EBF4: variants seen among roughly 807,000 people sequenced by gnomAD.
EBF4 encodes the protein transcription factor COE4.
Under a neutral mutation model 67.1 loss-of-function variants are expected in EBF4, and 34 were observed. That is an observed-to-expected ratio of 0.51 (90% CI 0.39 to 0.67). The LOEUF (loss-of-function observed/expected upper bound fraction) is 0.67, where lower values mean the gene tolerates loss of function less well. EBF4 is among the 30% of genes least tolerant of loss of function. The pLI is 0.00. For synonymous variants in EBF4, 387 were observed against 377.7 expected (o/e 1.02, Z -0.29); for missense variants, 837 against 873.3 (o/e 0.96, Z 0.52).
chr20:2,705,732 G>A (rs949119005), exon 2 of EBF4: 22 of 1,549,840 alleles, frequency 1.4e-5, no homozygotes, highest in Middle Eastern at 1.7e-4. Context: ...GAAAAGGACC[G>A]AGTGAGAGGC....
At chr20:2,716,529 C>CA (rs60033313) in intron 6 of EBF4, among the ~76,000 whole-genome samples, 17,332 of 107,554 alleles carry the variant, frequency 0.16, 1,164 homozygotes, top group East Asian at 0.35. Flanking sequence ...AACTCCGTCT[C>CA]AAAAAAAAAA....
chr20:2,755,953 C>A lies in EBF4; in HGVS notation c.1738+129C>A. 1 of 991,642 alleles carries A rather than the reference C, an allele frequency of 1.0e-6. No homozygotes were observed. The highest frequency in any genetic ancestry group is 1.4e-6 in the Non-Finnish European group (1 of 691,486). The allele number at this position is 991,642 out of a possible 1,614,324, so 61.4% of individuals were successfully genotyped here. A position where few individuals can be genotyped will look rare whatever the true frequency, so the allele number is the denominator to read the frequency against. On this transcript the variant is annotated intron_variant, in intron 15 of 16. Coordinates refer to ENST00000609451, the Ensembl canonical transcript of EBF4. The surrounding 1 kb of genome is among the most constrained non-coding windows in gnomAD (Gnocchi z 4.7). ...TGGCTAACCTGCTCTTCTTGGAGGACGGAGAGCAGGGAGCTCTGCTGGGGT... is the reference window on the plus strand; with the variant it reads ...TGGCTAACCTGCTCTTCTTGGAGGAAGGAGAGCAGGGAGCTCTGCTGGGGT...
At chr20:2,730,015 G>T (rs1420483582) in intron 6 of EBF4, among the ~76,000 whole-genome samples, 2 of 152,240 alleles carry the variant, frequency 1.3e-5, no homozygotes, top group Non-Finnish European at 2.9e-5. Context: ...GAGCAAGTCA[G>T]TCAGAGGCTG....
chr20:2,726,600 A>C (rs2087749649), intron 6 of EBF4, among the ~76,000 whole-genome samples: 1 of 151,804 alleles, frequency 6.6e-6, no homozygotes, highest in Admixed American at 6.6e-5. Context: ...AAGAAATATG[A>C]TGCTGTTTCA....
intron 1 of EBF4, among the ~76,000 whole-genome samples, chr20:2,694,739 T>G (rs1327619168): frequency 6.6e-6 from 1 of 152,064 alleles, no homozygotes; most frequent in East Asian, 1.9e-4. Context: ...AGACCGGGCC[T>G]GACACAGGAG....
chr20:2,705,908 A>C, intron 2 of EBF4, 66 bp from the exon 3 acceptor site: 1 of 1,519,866 alleles, frequency 6.6e-7, no homozygotes, highest in Non-Finnish European at 8.9e-7. Flanking sequence ...GGTTAGGAGA[A>C]GGGGTGGACA....
upstream of EBF4, chr20:2,693,293 G>A: frequency 5.5e-6 from 1 of 183,400 alleles, no homozygotes; most frequent in Admixed American, 6.2e-5. This position sits in a 1 kb window ranked among gnomAD's most constrained non-coding sequence, Gnocchi z 4.6. Flanking sequence ...GACGACCGCG[G>A]CCCCGGGCAG....
intron 6 of EBF4, among the ~76,000 whole-genome samples, chr20:2,734,423 A>G (rs556596549): frequency 2.0e-5 from 3 of 152,324 alleles, no homozygotes; most frequent in Admixed American, 2.0e-4. Context: ...TAAATTAATT[A>G]ATAAAGTATT....
At chr20:2,705,364 G>A (rs951807026) in intron 1 of EBF4, among the ~76,000 whole-genome samples, 3 of 152,216 alleles carry the variant, frequency 2.0e-5, no homozygotes, top group Non-Finnish European at 4.4e-5. Context: ...TTTCCAGGGG[G>A]CAGGCTGGGG....
Position 2,755,730 on chromosome 20 carries a change from C to T in EBF4, c.1644C>T (p.Ser548=), listed in dbSNP as rs747426019. The T allele has an allele frequency of 1.5e-4, 237 of 1,550,954 alleles. No homozygotes were observed. Among genetic ancestry groups the T allele is most frequent in the Middle Eastern group, 5.0e-4 (3 of 6,014 alleles). Reference sequence around the variant, plus strand: ...CCTTCTCGCCTGTCAACATGATCTCCGCCGTCAAACAGAGGAGCGCCTTCG... The same window carrying T: ...CCTTCTCGCCTGTCAACATGATCTCTGCCGTCAAACAGAGGAGCGCCTTCG... The change falls in exon 15 of 17, where the codon TCC becomes TCT. Residue 548 remains serine (S), a synonymous_variant. Transcript: ENST00000609451. This position sits in a 1 kb window ranked among gnomAD's most constrained non-coding sequence, Gnocchi z 4.7.
At chr20:2,748,712 C>T (rs1568586212) in intron 7 of EBF4, 82 bp downstream of exon 7, 1 of 1,452,850 alleles carries the variant, frequency 6.9e-7, no homozygotes, top group East Asian at 2.5e-5. Flanking sequence ...AAGGCTGTGA[C>T]CCTGCCACCC....
intron 6 of EBF4, among the ~76,000 whole-genome samples, chr20:2,716,558 T>C (rs931297112): frequency 6.6e-6 from 1 of 152,078 alleles, no homozygotes; most frequent in Non-Finnish European, 1.5e-5. Flanking sequence ...TCTTTTTCTC[T>C]GCTGAGGTCA....
chr20:2,758,967 G>A (rs2146528681), exon 16 of EBF4: 1 of 1,551,786 alleles, frequency 6.4e-7, no homozygotes, highest in Non-Finnish European at 8.7e-7. Context: ...TTCAGGGCCT[G>A]GCATACTCCT....
chr20:2,750,106 GC>G (rs1279319050), intron 10 of EBF4, 133 bp downstream of exon 10: 1 of 1,348,090 alleles, frequency 7.4e-7, no homozygotes, highest in Non-Finnish European at 9.8e-7. Context: ...ACGGCCCCGG[GC>G]CCCTTTAACC....
Position 2,741,311 on chromosome 20 carries a change from GA to G in EBF4, c.558-7228del, listed in dbSNP as rs375014617. On this transcript the variant is annotated intron_variant, in intron 6 of 16. Transcript: ENST00000609451. Reference sequence around the variant, plus strand: ...TGGGTGACAGAGCGAGACCCTGACTGAAAAAAAAAAGCAGCTCCATCCCACT... The same window carrying G: ...TGGGTGACAGAGCGAGACCCTGACTGAAAAAAAAAGCAGCTCCATCCCACT... Among the ~76,000 whole-genome samples the G allele has an allele frequency of 3.1e-4, 45 of 146,664 alleles. No individual in the cohort carries two copies. The Middle Eastern group carries it at 0.014, about 47-fold the overall frequency.
At chr20:2,742,321 C>T (rs2087980093) in intron 6 of EBF4, among the ~76,000 whole-genome samples, 1 of 152,224 alleles carries the variant, frequency 6.6e-6, no homozygotes, top group Non-Finnish European at 1.5e-5. Flanking sequence ...GCCAAAGTGA[C>T]AAACTCAGCA....
chr20:2,697,312 G>C (rs576012003), intron 1 of EBF4, among the ~76,000 whole-genome samples: 1 of 152,112 alleles, frequency 6.6e-6, no homozygotes, highest in African/African-American at 2.4e-5. Flanking sequence ...TTGGGAGGCC[G>C]AGGCAGGCAG....
intron 15 of EBF4, among the ~76,000 whole-genome samples, chr20:2,758,573 G>A (rs1346980681): frequency 1.3e-5 from 2 of 152,220 alleles, no homozygotes; most frequent in African/African-American, 4.8e-5. Flanking sequence ...CAGTATTCCT[G>A]GAGGCTGGCC....
At chr20:2,704,958 G>C (rs566825712) in intron 1 of EBF4, among the ~76,000 whole-genome samples, 9 of 152,350 alleles carry the variant, frequency 5.9e-5, no homozygotes, top group Admixed American at 2.6e-4. Context: ...CCTGCCCAAG[G>C]GAGCCTGTGG....
Sources: allele counts gnomAD v4.1 joint callset (sites outside exome capture counted in the v4.1 genomes callset), GRCh38; gene constraint gnomAD v4.1.1; non-coding constraint Gnocchi (gnomAD v3.1); transcripts MANE v1.5; gene names NCBI Gene and HGNC (gene_info 2026-07-23, HGNC 2026-07-21).